The following CADPS variants were observed in gnomAD, a reference collection of about 807,000 sequenced individuals.
CADPS encodes the protein calcium dependent secretion activator, also known as calcium-dependent secretion activator 1.
Under a neutral mutation model 167.3 loss-of-function variants are expected in CADPS, and 57 were observed. That is an observed-to-expected ratio of 0.34 (90% CI 0.28 to 0.42). The LOEUF (loss-of-function observed/expected upper bound fraction) is 0.42. CADPS is among the 20% of genes least tolerant of loss of function. The pLI, the probability that CADPS is intolerant of heterozygous loss-of-function variation, is 1.00. For missense variants in CADPS, 1,414 were observed against 1,738.1 expected (o/e 0.81, Z 3.32); for synonymous variants, 676 against 635.3 (o/e 1.06, Z -0.96).
At chr3:62,765,757 A>T in intron 2 of CADPS, 114 bp downstream of exon 2, 1 of 587,812 alleles carries the variant, frequency 1.7e-6, no homozygotes, top group Non-Finnish European at 3.1e-6. Flanking sequence ...CATTTGCCTT[A>T]GGAAGGATGA....
chr3:62,728,403 C>G (rs2077149964), intron 3 of CADPS, among the ~76,000 whole-genome samples: 1 of 151,776 alleles, frequency 6.6e-6, no homozygotes, highest in South Asian at 2.1e-4. Flanking sequence ...TAACACTCAC[C>G]TCACTTTTTC....
At chr3:62,720,532 T>C (rs191998729) in intron 3 of CADPS, among the ~76,000 whole-genome samples, 1 of 152,130 alleles carries the variant, frequency 6.6e-6, no homozygotes, top group African/African-American at 2.4e-5. Flanking sequence ...AGAAATGGGG[T>C]CTTGTTATGT....
intron 3 of CADPS, among the ~76,000 whole-genome samples, chr3:62,689,294 C>T (rs1268375413): frequency 2.6e-5 from 4 of 151,860 alleles, no homozygotes; most frequent in Admixed American, 6.6e-5. Flanking sequence ...GGCTTATAAA[C>T]ATTTTCCTTA....
intron 8 of CADPS, among the ~76,000 whole-genome samples, chr3:62,574,672 G>A (rs549769686): frequency 1.3e-5 from 2 of 152,322 alleles, no homozygotes; most frequent in East Asian, 1.9e-4. Flanking sequence ...ACAGTTAAGA[G>A]TATAATCTTC....
chr3:62,701,727 G>T (rs1033889534), intron 3 of CADPS, among the ~76,000 whole-genome samples: 1 of 152,098 alleles, frequency 6.6e-6, no homozygotes, highest in African/African-American at 2.4e-5. Flanking sequence ...CACAGATGTG[G>T]TTCAGAGAAA....
At chr3:62,671,170 G>C (rs1003623023) in intron 3 of CADPS, among the ~76,000 whole-genome samples, 10 of 152,152 alleles carry the variant, frequency 6.6e-5, no homozygotes, top group Non-Finnish European at 1.3e-4. Context: ...TACTCATAAA[G>C]CACTTAGCAT....
At chr3:62,777,199 AT>A (rs2090510958) in intron 1 of CADPS, among the ~76,000 whole-genome samples, 2 of 152,236 alleles carry the variant, frequency 1.3e-5, no homozygotes, top group Admixed American at 1.3e-4. Flanking sequence ...AGTAGCAATT[AT>A]TTCCAGAGAA....
In CADPS at chr3:62,602,842, C is replaced by T. The variant is rs1413623848; in HGVS notation, c.1326-10094G>A. On this transcript the variant is annotated intron_variant, in intron 6 of 29. Transcript: ENST00000383710. The surrounding 1 kb of genome is among the most constrained non-coding windows in gnomAD (Gnocchi z 4.4). ...CACATCTGTTCCTCTAAGGCTTCCC[C>T]GGCTTAGTTAAAGGAACTGCCAGCC... 2.6e-5 allele frequency among the ~76,000 whole-genome samples: 4 copies of T among 152,160 alleles called. No individual in the cohort carries two copies. Among genetic ancestry groups the T allele is most frequent in the East Asian group, 1.9e-4 (1 of 5,190 alleles).
intron 24 of CADPS, among the ~76,000 whole-genome samples, chr3:62,472,551 G>T (rs1214784024): frequency 2.0e-5 from 3 of 152,158 alleles, no homozygotes; most frequent in Admixed American, 1.3e-4. Flanking sequence ...GCAGTGAAGA[G>T]GTGCAGAGCA....
intron 1 of CADPS, among the ~76,000 whole-genome samples, chr3:62,855,631 A>G (rs2079526854): frequency 6.6e-6 from 1 of 152,200 alleles, no homozygotes; most frequent in South Asian, 2.1e-4. Context: ...AAAAATATTT[A>G]GCTGAAGTAG....
chr3:62,836,735 G>T (rs770739230), intron 1 of CADPS, among the ~76,000 whole-genome samples: 1 of 152,134 alleles, frequency 6.6e-6, no homozygotes, highest in Non-Finnish European at 1.5e-5. Flanking sequence ...CATCCTGAAG[G>T]CTGTGGAGAA....
chr3:62,738,121 A>T (rs1008720569), intron 3 of CADPS, among the ~76,000 whole-genome samples: 2 of 152,146 alleles, frequency 1.3e-5, no homozygotes, highest in African/African-American at 4.8e-5. Context: ...TTTATCATTA[A>T]TGGTGCATCC....
chr3:62,561,650 T>C (rs17066587), intron 9 of CADPS, among the ~76,000 whole-genome samples: 10,339 of 152,150 alleles, frequency 0.068, 621 homozygotes, highest in African/African-American at 0.16. Flanking sequence ...AAGATTGCCC[T>C]TGAGTTTCAA....
chr3:62,667,037 G>GT (rs35606285), intron 3 of CADPS, among the ~76,000 whole-genome samples: 52,759 of 133,602 alleles, frequency 0.39, 11,473 homozygotes, highest in African/African-American at 0.56. Flanking sequence ...TTCCAATCTT[G>GT]TTTTTTTTTT....
intron 17 of CADPS, among the ~76,000 whole-genome samples, chr3:62,512,303 T>A (rs2068017838): frequency 6.6e-6 from 1 of 152,126 alleles, no homozygotes. Context: ...TATCATGCGA[T>A]ACATACAAGA....
chr3:62,731,064 T>A (rs555437657), intron 3 of CADPS, among the ~76,000 whole-genome samples: 3 of 152,198 alleles, frequency 2.0e-5, no homozygotes, highest in Non-Finnish European at 4.4e-5. Flanking sequence ...TTTGTAAATC[T>A]ATGTTGGAGA....
intron 1 of CADPS, among the ~76,000 whole-genome samples, chr3:62,855,109 T>TTTTTTTTTTTTTA (rs59284424): frequency 6.9e-6 from 1 of 144,452 alleles, no homozygotes; most frequent in Non-Finnish European, 1.5e-5. Flanking sequence ...TTTTTTTTTT[T>TTTTTTTTTTTTTA]GTCTTTTAGT....
chr3:62,543,160 ATTTACT>A (rs2075973315), intron 11 of CADPS, among the ~76,000 whole-genome samples: 1 of 152,148 alleles, frequency 6.6e-6, no homozygotes, highest in Non-Finnish European at 1.5e-5. Context: ...TTAAAAAGTG[ATTTACT>A]TTTACAGTGA....
rs562468722 is a variant in CADPS, at chr3:62,458,380, C to T, written c.3636+6987G>A. Among the ~76,000 whole-genome samples, 9 of 152,250 alleles carry T rather than the reference C, an allele frequency of 5.9e-5. No homozygotes were observed. In the South Asian group the frequency reaches 8.3e-4, roughly 14 times the overall value. On this transcript the variant is annotated intron_variant, in intron 26 of 29. Transcript: ENST00000383710. The surrounding 1 kb of genome is among the most constrained non-coding windows in gnomAD (Gnocchi z 4.6). ...TCTTAATCACTCTCTAACTTTCTGG[C>T]GATAAACTTCCCACTGCATGTGATT...
Sources: gnomAD v4.1 joint callset for allele counts (sites outside exome capture counted in the v4.1 genomes callset) on GRCh38, gnomAD v4.1.1 for gene constraint, Gnocchi (gnomAD v3.1) non-coding constraint, MANE v1.5 for transcripts, NCBI Gene and HGNC (gene_info 2026-07-23, HGNC 2026-07-21) for gene names.